JDP2: variants seen among roughly 807,000 people sequenced by gnomAD.
The protein encoded by JDP2 is Jun dimerization protein 2.
Under a neutral mutation model 17.1 loss-of-function variants are expected in JDP2, and 9 were observed. The observed-to-expected ratio is 0.53, with a 90% CI of 0.32 to 0.92. The LOEUF is 0.92. JDP2 is among the 40% of genes least tolerant of loss of function. JDP2 has a pLI of 0.04. For missense variants in JDP2, 179 were observed against 220.0 expected (o/e 0.81, Z 1.18); for synonymous variants, 107 against 95.6 (o/e 1.12, Z -0.69).
chr14:75,442,961 G>T (rs187681986), intron 2 of JDP2, among the ~76,000 whole-genome samples: 10 of 152,144 alleles, frequency 6.6e-5, no homozygotes, highest in Non-Finnish European at 1.5e-4. Flanking sequence ...CCAACGTAGG[G>T]CAGTTTCCTG....
chr14:75,434,302 C>T (rs981622592), intron 1 of JDP2, among the ~76,000 whole-genome samples: 2 of 152,184 alleles, frequency 1.3e-5, no homozygotes, highest in Non-Finnish European at 2.9e-5. Context: ...CATCTTCTAT[C>T]CCCCACCCCC....
Position 75,428,041 on chromosome 14 carries a change from G to A in JDP2, c.-235G>A, listed in dbSNP as rs1884601511. 1 of 150,238 alleles carries A rather than the reference G, an allele frequency of 6.7e-6. No homozygotes were observed. Among genetic ancestry groups the A allele is most frequent in the Non-Finnish European group, 1.5e-5 (1 of 67,378 alleles). The allele number at this position is 150,238 out of a possible 1,614,324, so 9.3% of individuals were successfully genotyped here. A position where few individuals can be genotyped will look rare whatever the true frequency, so the allele number is the denominator to read the frequency against. On this transcript the variant is annotated 5_prime_UTR_variant, in exon 1 of 4. Transcript: ENST00000651602. This position sits in a 1 kb window ranked among gnomAD's most constrained non-coding sequence, Gnocchi z 5.6. ...CGTCCCGCCGCCCGCCACAGCCTGC[G>A]GGAGGGACGCTCGGCGGCCGCGACG...
At chr14:75,454,823 G>A (rs540455375) in intron 2 of JDP2, among the ~76,000 whole-genome samples, 1 of 152,166 alleles carries the variant, frequency 6.6e-6, no homozygotes, top group Admixed American at 6.5e-5. Context: ...AGGGGTAGAG[G>A]AGGGCGATGT....
chr14:75,436,314 C>T (rs1458843994), intron 1 of JDP2, among the ~76,000 whole-genome samples: 1 of 152,196 alleles, frequency 6.6e-6, no homozygotes, highest in Non-Finnish European at 1.5e-5. Flanking sequence ...ATGTGGCCAT[C>T]TGAGTACATT....
At chr14:75,460,286 AG>A (rs150842245) in intron 2 of JDP2, among the ~76,000 whole-genome samples, 9,092 of 152,168 alleles carry the variant, frequency 0.06, 541 homozygotes, top group African/African-American at 0.15. Context: ...CTTGTTCCCC[AG>A]GGTCCTTCAG....
chr14:75,455,007 GCT>G (rs979266957), intron 2 of JDP2, among the ~76,000 whole-genome samples: 1 of 152,150 alleles, frequency 6.6e-6, no homozygotes, highest in African/African-American at 2.4e-5. Flanking sequence ...CTTGGACCAG[GCT>G]GGAGGCAGCA....
At position 75,435,149 on chromosome 14, in the gene JDP2, G is replaced by C. The variant is rs1057238461; in HGVS notation, c.-23-2749G>C. 7.2e-5 allele frequency among the ~76,000 whole-genome samples: 11 copies of C among 152,312 alleles called. 1 individual carries two copies. Among genetic ancestry groups the C allele is most frequent in the African/African-American group, 2.6e-4 (11 of 41,582 alleles). ...CTGTTCTCCTTAGAGGAGGCCAGGG[G>C]AGACGTGCAGCTCATCTACAGGGCC... On this transcript the variant is annotated intron_variant, in intron 1 of 3. Transcript: ENST00000651602.
chr14:75,445,776 T>TAC (rs1431471412), intron 2 of JDP2: 2 of 192,544 alleles, frequency 1.0e-5, no homozygotes, highest in African/African-American at 4.8e-5. Context: ...TTAGATTTTA[T>TAC]GCCAAAAATA....
At chr14:75,447,642 ACTAT>A (rs1329403117) in intron 2 of JDP2, among the ~76,000 whole-genome samples, 2 of 152,092 alleles carry the variant, frequency 1.3e-5, no homozygotes, top group African/African-American at 2.4e-5. Flanking sequence ...CTGATGAGGC[ACTAT>A]CTATTATCTG....
intron 3 of JDP2, among the ~76,000 whole-genome samples, chr14:75,468,799 C>T (rs555425621): frequency 3.9e-5 from 6 of 152,332 alleles, no homozygotes; most frequent in East Asian, 1.9e-4. Flanking sequence ...CTGATCCCAC[C>T]GGCCAAGATA....
chr14:75,428,378 G>A lies in JDP2; in HGVS notation c.-24+126G>A, dbSNP rs61979238. 0.37 allele frequency: 56,244 copies of A among 150,318 alleles called. 12,415 individuals carry two copies. Among genetic ancestry groups the A allele is most frequent in the Non-Finnish European group, 0.5 (33,412 of 67,352 alleles). The allele number at this position is 150,318 out of a possible 1,614,324, so 9.3% of individuals were successfully genotyped here. ...AGGAGCCCCAGCCCAGCCCCGCGGGGAGGCTCCCGCAGCCCAGGGACCTCG... is the reference window on the plus strand; with the variant it reads ...AGGAGCCCCAGCCCAGCCCCGCGGGAAGGCTCCCGCAGCCCAGGGACCTCG... On this transcript the variant is annotated intron_variant, in intron 1 of 3. Transcript: ENST00000651602. The surrounding 1 kb of genome is among the most constrained non-coding windows in gnomAD (Gnocchi z 5.6).
chr14:75,452,185 G>A (rs896366766), intron 2 of JDP2, among the ~76,000 whole-genome samples: 4 of 152,238 alleles, frequency 2.6e-5, no homozygotes, highest in Non-Finnish European at 5.9e-5. Flanking sequence ...AGAGAAGTCA[G>A]AGCTGGAAAG....
chr14:75,427,756 C>G (rs1473372518), upstream of JDP2: 1 of 152,112 alleles, frequency 6.6e-6, no homozygotes, highest in Admixed American at 6.5e-5. The surrounding 1 kb of genome is among the most constrained non-coding windows in gnomAD (Gnocchi z 4.4). Context: ...GGTGGCGGAG[C>G]CGGGGGACTG....
chr14:75,465,963 G>A (rs1886554623), intron 3 of JDP2, among the ~76,000 whole-genome samples: 1 of 152,074 alleles, frequency 6.6e-6, no homozygotes, highest in African/African-American at 2.4e-5. Context: ...TCTTCGCTCA[G>A]TTCCTTCATT....
At chr14:75,465,593 G>T (rs1032540427) in intron 3 of JDP2, among the ~76,000 whole-genome samples, 2 of 152,170 alleles carry the variant, frequency 1.3e-5, no homozygotes, top group Non-Finnish European at 2.9e-5. Context: ...GCCTCCCAAA[G>T]TTCTGGGATT....
In JDP2 at chr14:75,469,519, A is replaced by G; in HGVS notation, c.*44A>G. The G allele has an allele frequency of 1.9e-6, 3 of 1,585,968 alleles. No individual in the cohort carries two copies. The highest frequency in any genetic ancestry group is 2.6e-6 in the Non-Finnish European group (3 of 1,164,644). ...TGGAGGAGGAGGAAGAGGAGAAGGA[A>G]AAGTGACGAAGAGAGAGGAGGAGGG... On this transcript the variant is annotated 3_prime_UTR_variant, in exon 4 of 4. Transcript: ENST00000651602.
chr14:75,438,019 G>A lies in JDP2; in HGVS notation c.99G>A (p.Glu33=), dbSNP rs768183852. 7 of 1,613,876 alleles carry A rather than the reference G, an allele frequency of 4.3e-6. No individual in the cohort carries two copies. Among genetic ancestry groups the A allele is most frequent in the Non-Finnish European group, 5.9e-6 (7 of 1,179,968 alleles). Residue 33 remains glutamate, a synonymous_variant, in exon 2 of 4, where the codon GAG becomes GAA. Transcript: ENST00000651602. ...TCCCCAGCTCGGCCCTGACTGTGGA[G>A]GAGCTGAAATACGCTGACATCCGCA... ...TGLPSSALTV[E]ELKYADIRNL... is the part of the protein sequence containing the mutation.
At position 75,445,086 on chromosome 14, in the gene JDP2, C is replaced by A. The variant is rs1329994206; in HGVS notation, c.201+6965C>A. 4 of 985,056 alleles carry A rather than the reference C, an allele frequency of 4.1e-6. No individual in the cohort carries two copies. The African/African-American group carries it at 7.0e-5, about 17-fold the overall frequency. The allele number at this position is 985,056 out of a possible 1,614,324, so 61.0% of individuals were successfully genotyped here. A position where few individuals can be genotyped will look rare whatever the true frequency, so the allele number is the denominator to read the frequency against. On this transcript the variant is annotated intron_variant, in intron 2 of 3. Transcript: ENST00000651602. ...ATCCTACCATCTTACTTTGATGTTT[C>A]CAGGTCCACCGGCAACATGGACTCA...
At chr14:75,466,454 C>T (rs1201699778) in intron 3 of JDP2, among the ~76,000 whole-genome samples, 1 of 152,130 alleles carries the variant, frequency 6.6e-6, no homozygotes, top group East Asian at 1.9e-4. Flanking sequence ...AGAAAAAAAG[C>T]AGTTAGTTAC....
Sources: gnomAD v4.1 joint callset for allele counts (sites outside exome capture counted in the v4.1 genomes callset) on GRCh38, gnomAD v4.1.1 for gene constraint, Gnocchi (gnomAD v3.1) non-coding constraint, MANE v1.5 for transcripts, NCBI Gene and HGNC (gene_info 2026-07-23, HGNC 2026-07-21) for gene names.